Variants in SYBU observed in about 807,000 individuals in gnomAD.
The protein encoded by SYBU is syntabulin.
Under a neutral mutation model 35.9 loss-of-function variants are expected in SYBU, and 21 were observed. That is an observed-to-expected ratio of 0.58 (90% CI 0.41 to 0.84). SYBU has a LOEUF of 0.84. SYBU is among the 40% of genes least tolerant of loss of function. The probability of loss-of-function intolerance (pLI) is 0.00; values close to 1 mark genes in which losing one functional copy is unlikely to be tolerated. For missense variants in SYBU, 768 were observed against 848.2 expected, an observed-to-expected ratio of 0.91 and a Z score of 1.17; for synonymous variants, 319 against 324.3, an observed-to-expected ratio of 0.98 and a Z score of 0.18.
At chr8:109,632,153 G>A (rs546423486) in intron 2 of SYBU, among the ~76,000 whole-genome samples, 2 of 152,150 alleles carry the variant, frequency 1.3e-5, no homozygotes, top group Non-Finnish European at 2.9e-5. Context: ...GGGTTCAAGC[G>A]ATTCTCCTGC....
intron 2 of SYBU, among the ~76,000 whole-genome samples, chr8:109,634,188 T>C (rs950140639): frequency 2.6e-5 from 4 of 152,182 alleles, no homozygotes; most frequent in African/African-American, 7.2e-5. Flanking sequence ...ATCTCTCTTT[T>C]TGCCATTTTA....
chr8:109,686,197 GC>G (rs1308780947), intron 1 of SYBU, among the ~76,000 whole-genome samples: 2 of 150,944 alleles, frequency 1.3e-5, no homozygotes, highest in Admixed American at 6.6e-5. Flanking sequence ...CTGAGGAAGA[GC>G]CCGTTTCAGC....
At chr8:109,672,842 G>C (rs984295491) in intron 1 of SYBU, among the ~76,000 whole-genome samples, 3 of 152,178 alleles carry the variant, frequency 2.0e-5, no homozygotes, top group Non-Finnish European at 4.4e-5. Context: ...GGAGCTTGGT[G>C]GGGGGAGGGG....
chr8:109,684,117 C>T (rs1817465801), upstream of SYBU, among the ~76,000 whole-genome samples: 1 of 152,150 alleles, frequency 6.6e-6, no homozygotes, highest in Non-Finnish European at 1.5e-5. Context: ...CAAGGAAAAT[C>T]AGATTGTCTT....
intron 2 of SYBU, among the ~76,000 whole-genome samples, chr8:109,628,423 C>T (rs2130486537): frequency 6.6e-6 from 1 of 152,188 alleles, no homozygotes; most frequent in Middle Eastern, 3.4e-3. Flanking sequence ...GCCCCCACCT[C>T]CTGGGCTCAG....
chr8:109,602,252 G>A (rs959180558), intron 3 of SYBU, among the ~76,000 whole-genome samples: 1 of 152,024 alleles, frequency 6.6e-6, no homozygotes, highest in Non-Finnish European at 1.5e-5. Context: ...CCACATAAAA[G>A]AACAATTGAG....
chr8:109,654,817 C>A (rs979511424), intron 1 of SYBU, among the ~76,000 whole-genome samples: 2 of 152,196 alleles, frequency 1.3e-5, no homozygotes, highest in Non-Finnish European at 1.5e-5. Flanking sequence ...ACATTCTTAA[C>A]TTTTCTGTCT....
intron 2 of SYBU, among the ~76,000 whole-genome samples, chr8:109,636,985 C>T (rs567238796): frequency 3.0e-4 from 46 of 152,240 alleles, no homozygotes; most frequent in African/African-American, 1.0e-3. Flanking sequence ...GGCTGGCCAC[C>T]GTTTCTACCA....
intron 3 of SYBU, among the ~76,000 whole-genome samples, chr8:109,617,932 A>G (rs948362884): frequency 1.3e-5 from 2 of 152,222 alleles, no homozygotes; most frequent in Non-Finnish European, 2.9e-5. Context: ...TTAGCATCCT[A>G]TGGAAGAGGA....
intron 1 of SYBU, chr8:109,680,640 C>T (rs1041148224): frequency 6.6e-6 from 1 of 152,164 alleles, no homozygotes; most frequent in Non-Finnish European, 1.5e-5. Context: ...ATTTTTACGA[C>T]AAATCTTTGA....
At chr8:109,652,521 T>A (rs1816189826) in intron 1 of SYBU, among the ~76,000 whole-genome samples, 1 of 152,160 alleles carries the variant, frequency 6.6e-6, no homozygotes, top group South Asian at 2.1e-4. Context: ...AAGAAAGGGA[T>A]TTTTCTCAAA....
chr8:109,641,139 A>G (rs1328074915), intron 2 of SYBU, among the ~76,000 whole-genome samples: 1 of 152,192 alleles, frequency 6.6e-6, no homozygotes, highest in Non-Finnish European at 1.5e-5. Context: ...TTTAAATTTT[A>G]CCCAAATTCC....
chr8:109,582,773 G>T (rs1037081374), intron 4 of SYBU, among the ~76,000 whole-genome samples: 2 of 152,164 alleles, frequency 1.3e-5, no homozygotes, highest in African/African-American at 4.8e-5. Flanking sequence ...GCTTTAAAAA[G>T]TGATTAAGTT....
At position 109,574,568 on chromosome 8, in the gene SYBU, A is replaced by T. The variant is rs1038469622; in HGVS notation, c.*338T>A. ...AAACGGCAAAAAGCAAAGCAAGGAGATAACATGCCAGCCTTAGAGAAGCTG... is the reference window on the plus strand; with the variant it reads ...AAACGGCAAAAAGCAAAGCAAGGAGTTAACATGCCAGCCTTAGAGAAGCTG... On this transcript the variant is annotated 3_prime_UTR_variant, in exon 7 of 7. Coordinates refer to ENST00000276646, the MANE Select transcript of SYBU (RefSeq NM_001099754.2). The T allele has an allele frequency of 2.0e-4, 45 of 224,162 alleles. No homozygotes were observed. The highest frequency in any genetic ancestry group is 1.0e-3 in the African/African-American group (45 of 44,294). 13.9% of individuals were successfully genotyped at this position (224,162 alleles called of 1,614,324 possible).
chr8:109,605,652 C>G (rs900388825), intron 3 of SYBU, among the ~76,000 whole-genome samples: 24 of 152,188 alleles, frequency 1.6e-4, no homozygotes, highest in African/African-American at 5.6e-4. Context: ...TTAAAATAAG[C>G]ACCAGCAGGC....
chr8:109,641,077 A>C (rs1248579524), intron 2 of SYBU, among the ~76,000 whole-genome samples: 1 of 152,212 alleles, frequency 6.6e-6, no homozygotes, highest in Non-Finnish European at 1.5e-5. Flanking sequence ...AATAAGTTCT[A>C]AAACATTATC....
chr8:109,614,947 C>A (rs1336996941), intron 3 of SYBU, among the ~76,000 whole-genome samples: 1 of 152,254 alleles, frequency 6.6e-6, no homozygotes, highest in African/African-American at 2.4e-5. Context: ...GCCCTGTTGG[C>A]AAGGTACAGG....
At chr8:109,673,121 C>T (rs1379693231) in intron 1 of SYBU, among the ~76,000 whole-genome samples, 2 of 152,206 alleles carry the variant, frequency 1.3e-5, no homozygotes, top group Non-Finnish European at 2.9e-5. Flanking sequence ...CAGACTTAAA[C>T]GTTCCTGCCT....
At chr8:109,683,192 C>T (rs996279090), upstream of SYBU, among the ~76,000 whole-genome samples, 1 of 152,302 alleles carries the variant, frequency 6.6e-6, no homozygotes, top group African/African-American at 2.4e-5. Flanking sequence ...ATGGTAGATC[C>T]ACTGACAGCT....
Sources: allele counts gnomAD v4.1 joint callset (sites outside exome capture counted in the v4.1 genomes callset), GRCh38; gene constraint gnomAD v4.1.1; transcripts MANE v1.5; gene names NCBI Gene and HGNC (gene_info 2026-07-23, HGNC 2026-07-21).